DDAH2: variants seen among roughly 807,000 people sequenced by gnomAD.
DDAH2 encodes the protein putative hydrolase DDAH2.
Under a neutral mutation model 24.8 loss-of-function variants are expected in DDAH2, and 8 were observed. The observed-to-expected ratio is 0.32, with a 90% confidence interval of 0.19 to 0.58. The LOEUF (loss-of-function observed/expected upper bound fraction) is 0.58, where lower values mean the gene tolerates loss of function less well. Ranked by LOEUF, DDAH2 falls within the 20% of genes least tolerant of loss-of-function variation. The pLI, the probability that DDAH2 is intolerant of heterozygous loss-of-function variation, is 0.87. For missense variants in DDAH2, 281 were observed against 379.0 expected (o/e 0.74, Z 2.15); for synonymous variants, 151 against 166.1 (o/e 0.91, Z 0.70).
In DDAH2 at chr6:31,728,278, G is replaced by A. The variant is rs1443556271; in HGVS notation, c.486C>T (p.Ser162=). The change falls in exon 4 of 6, where the codon TCC becomes TCT. Residue 162 remains serine, a synonymous_variant. Transcript: ENST00000375789. The surrounding 1 kb of genome is among the most constrained non-coding windows in gnomAD (Gnocchi z 9.8). ...VADTFRDFAV[S]TVPVSGPSHL... ...GGGAGGGACCCGAGACTGGCACAGT[G>A]GAGACGGCGAAGTCCTAGGGAGAGC... 6.2e-7 allele frequency: 1 copy of A among 1,611,118 alleles called. No individual in the cohort carries two copies. Among genetic ancestry groups the A allele is most frequent in the Non-Finnish European group, 8.5e-7 (1 of 1,179,022 alleles).
In DDAH2 at chr6:31,728,057, G is replaced by A. The variant is rs1807516534; in HGVS notation, c.591+116C>T. On this transcript the variant is annotated intron_variant, in intron 4 of 5. Transcript: ENST00000375789. This position sits in a 1 kb window ranked among gnomAD's most constrained non-coding sequence, Gnocchi z 9.8. ...CTTATTTTCTCCTGTGTTCTTTCAT[G>A]TAAGATGGACAGCCCATTGAGGGCA... is the stretch of plus-strand genomic sequence containing the variant. 2 of 1,245,718 alleles carry A rather than the reference G, an allele frequency of 1.6e-6. No individual in the cohort carries two copies. Among genetic ancestry groups the A allele is most frequent in the East Asian group, 2.3e-5 (1 of 42,634 alleles). 77.2% of individuals were successfully genotyped at this position (1,245,718 alleles called of 1,614,324 possible).
chr6:31,729,534 A>C, upstream of DDAH2: 1 of 262,882 alleles, frequency 3.8e-6, no homozygotes, highest in Non-Finnish European at 7.3e-6. This position sits in a 1 kb window ranked among gnomAD's most constrained non-coding sequence, Gnocchi z 6.7. Flanking sequence ...GGATGCGCTC[A>C]CTCCCCAAAA....
rs771369955 is a variant in DDAH2, at chr6:31,727,236, C to G, written c.*1G>C. 6.2e-7 allele frequency: 1 copy of G among 1,612,326 alleles called. No individual in the cohort carries two copies. Among genetic ancestry groups the G allele is most frequent in the Non-Finnish European group, 8.5e-7 (1 of 1,179,376 alleles). The stretch of plus-strand genomic sequence containing the variant: ...GCCAGCAGTACCCCAAGGCCAGGCC[C>G]TCAGCTGTGGGGGCGTGTGCTGAGC... On this transcript the variant is annotated 3_prime_UTR_variant, in exon 6 of 6. Transcript: ENST00000375789. The surrounding 1 kb of genome is among the most constrained non-coding windows in gnomAD (Gnocchi z 6.0).
At chr6:31,729,327 G>A, upstream of DDAH2, 3 of 627,736 alleles carry the variant, frequency 4.8e-6, no homozygotes, top group Non-Finnish European at 8.3e-6. The surrounding 1 kb of genome is among the most constrained non-coding windows in gnomAD (Gnocchi z 6.7). Flanking sequence ...GCCATCTCTA[G>A]GCGTCCCTCC....
At position 31,728,811 on chromosome 6, in the gene DDAH2, G is replaced by A. The variant is rs1313709350; in HGVS notation, c.297+54C>T. Reference sequence around the variant, plus strand: ...ATCCTCAATTCTTCCCCAAAGCCCCGACATCCAGTTCCTTCTGCCTTTCCC... The same window carrying A: ...ATCCTCAATTCTTCCCCAAAGCCCCAACATCCAGTTCCTTCTGCCTTTCCC... On this transcript the variant is annotated intron_variant, in intron 1 of 5. Coordinates refer to ENST00000375789, the MANE Select transcript of DDAH2 (RefSeq NM_001303007.2). This position sits in a 1 kb window ranked among gnomAD's most constrained non-coding sequence, Gnocchi z 9.8. 59 of 1,610,718 alleles carry A rather than the reference G, an allele frequency of 3.7e-5. No homozygotes were observed. Among genetic ancestry groups the A allele is most frequent in the Non-Finnish European group, 4.6e-5 (54 of 1,178,958 alleles).
rs1807466356 is a variant in DDAH2 at position 31,727,501 on chromosome 6, T to C, written c.741+42A>G. On this transcript the variant is annotated intron_variant, in intron 5 of 5. Transcript: ENST00000375789. This position sits in a 1 kb window ranked among gnomAD's most constrained non-coding sequence, Gnocchi z 6.0. ...CCACTAGGAAAGCCTGAAACTCTTT[T>C]CTCTGATGGTGCTTGGTGTTGGAGT... The C allele has an allele frequency of 6.2e-7, 1 of 1,612,680 alleles. No individual in the cohort carries two copies. Among genetic ancestry groups the C allele is most frequent in the South Asian group, 1.1e-5 (1 of 91,078 alleles).
At position 31,727,525 on chromosome 6, in the gene DDAH2, G is replaced by C. The variant is rs376436685; in HGVS notation, c.741+18C>G. 33 of 1,612,960 alleles carry C rather than the reference G, an allele frequency of 2.0e-5. No homozygotes were observed. The Admixed American group carries it at 3.3e-4, about 16-fold the overall frequency. ...TTCTCTGATGGTGCTTGGTGTTGGA[G>C]TTCCTGCCCTCTCTCACCTCCTGGC... is the stretch of plus-strand genomic sequence containing the variant. On this transcript the variant is annotated intron_variant, in intron 5 of 5. Coordinates refer to ENST00000375789, the MANE Select transcript of DDAH2 (RefSeq NM_001303007.2). The surrounding 1 kb of genome is among the most constrained non-coding windows in gnomAD (Gnocchi z 6.0).
Position 31,728,329 on chromosome 6 carries a change from A to T in DDAH2, c.472-37T>A. 6.2e-7 allele frequency: 1 copy of T among 1,604,772 alleles called. No homozygotes were observed. Among genetic ancestry groups the T allele is most frequent in the Non-Finnish European group, 8.5e-7 (1 of 1,174,562 alleles). ...GAAGGGAGGTATTCAGGGGCGCGGG[A>T]GGGGTGATGGGGTATCTTCAAACAT... On this transcript the variant is annotated intron_variant, in intron 3 of 5. Transcript: ENST00000375789. This position sits in a 1 kb window ranked among gnomAD's most constrained non-coding sequence, Gnocchi z 9.8.
At position 31,729,112 on chromosome 6, in the gene DDAH2, C is replaced by A; in HGVS notation, c.50G>T (p.Arg17Leu). ...GLGRCSHALIRGVPESLASGE... is the reference protein window; with the variant it reads ...GLGRCSHALILGVPESLASGE... ...CGACGCCAGGCTCTCTGGGACTCCC[C>A]GGATCAGGGCATGGGAGCAGCGGCC... Residue 17 changes from arginine to leucine, a missense_variant, in exon 1 of 6, where the codon CGG becomes CTG. Physicochemically the swap from Arg to Leu is moderately radical, Grantham distance 102. Transcript: ENST00000375789. This position sits in a 1 kb window ranked among gnomAD's most constrained non-coding sequence, Gnocchi z 6.7. 3 of 1,612,916 alleles carry A rather than the reference C, an allele frequency of 1.9e-6. No individual in the cohort carries two copies. The highest frequency in any genetic ancestry group is 1.7e-6 in the Non-Finnish European group (2 of 1,179,934).
In DDAH2 at chr6:31,728,523, G is replaced by A. The variant is rs1807571222; in HGVS notation, c.399C>T (p.Gly133=). ...TLDGTDVLFT[G]REFFVGLSKW... ...TGGAGAGGCCTACGAAAAACTCCCG[G>A]CCTGAGTCCGGGAGGCCGCGGAGGT... is the stretch of plus-strand genomic sequence containing the variant. The change falls in exon 3 of 6, where the codon GGC becomes GGT. Residue 133 remains glycine, a splice_region_variant and synonymous_variant. Coordinates refer to ENST00000375789, the MANE Select transcript of DDAH2 (RefSeq NM_001303007.2). The surrounding 1 kb of genome is among the most constrained non-coding windows in gnomAD (Gnocchi z 9.8). The A allele has an allele frequency of 6.2e-7, 1 of 1,612,776 alleles. No homozygotes were observed. The highest frequency in any genetic ancestry group is 8.5e-7 in the Non-Finnish European group (1 of 1,179,914).
rs767628982 is a variant in DDAH2, at chr6:31,728,782, C to T, written c.298-37G>A. The T allele has an allele frequency of 5.0e-5, 81 of 1,611,464 alleles. No individual in the cohort carries two copies. The highest frequency in any genetic ancestry group is 4.3e-4 in the South Asian group (39 of 90,976). On this transcript the variant is annotated intron_variant, in intron 1 of 5. Coordinates refer to ENST00000375789, the MANE Select transcript of DDAH2 (RefSeq NM_001303007.2). The surrounding 1 kb of genome is among the most constrained non-coding windows in gnomAD (Gnocchi z 9.8). The stretch of plus-strand genomic sequence containing the variant: ...AGAAGAGGGCACGGAGCTGTGACAC[C>T]CCCATCCTCAATTCTTCCCCAAAGC...
chr6:31,728,528 A>C lies in DDAH2; in HGVS notation c.398-4T>G. Reference sequence around the variant, plus strand: ...AGGCCTACGAAAAACTCCCGGCCTGAGTCCGGGAGGCCGCGGAGGTTTGAG... The same window carrying C: ...AGGCCTACGAAAAACTCCCGGCCTGCGTCCGGGAGGCCGCGGAGGTTTGAG... On this transcript the variant is annotated splice_polypyrimidine_tract_variant and splice_region_variant and intron_variant, in intron 2 of 5. Transcript: ENST00000375789. The surrounding 1 kb of genome is among the most constrained non-coding windows in gnomAD (Gnocchi z 9.8). 2.5e-6 allele frequency: 4 copies of C among 1,612,718 alleles called. No individual in the cohort carries two copies. Among genetic ancestry groups the C allele is most frequent in the Non-Finnish European group, 3.4e-6 (4 of 1,179,900 alleles).
chr6:31,729,111 C>T lies in DDAH2; in HGVS notation c.51G>A (p.Arg17=), dbSNP rs754733474. The T allele has an allele frequency of 2.9e-5, 47 of 1,612,880 alleles. No homozygotes were observed. The highest frequency in any genetic ancestry group is 3.7e-5 in the Non-Finnish European group (44 of 1,180,000). Residue 17 remains arginine, a synonymous_variant, in exon 1 of 6, where the codon CGG becomes CGA. Coordinates refer to ENST00000375789, the MANE Select transcript of DDAH2 (RefSeq NM_001303007.2). This position sits in a 1 kb window ranked among gnomAD's most constrained non-coding sequence, Gnocchi z 6.7. ...GLGRCSHALI[R]GVPESLASGE... ...CCGACGCCAGGCTCTCTGGGACTCC[C>T]CGGATCAGGGCATGGGAGCAGCGGC...
Position 31,727,770 on chromosome 6 carries a change from G to C in DDAH2, c.592-78C>G. On this transcript the variant is annotated intron_variant, in intron 4 of 5. Transcript: ENST00000375789. The surrounding 1 kb of genome is among the most constrained non-coding windows in gnomAD (Gnocchi z 6.0). ...GCCTGCTCAACCACCACTAAGGGCTGGGGACGGACTGACATTTGTGGAAAA... is the reference window on the plus strand; with the variant it reads ...GCCTGCTCAACCACCACTAAGGGCTCGGGACGGACTGACATTTGTGGAAAA... The C allele has an allele frequency of 6.8e-7, 1 of 1,461,958 alleles. No homozygotes were observed. The highest frequency in any genetic ancestry group is 1.3e-5 in the South Asian group (1 of 74,240). The allele number at this position is 1,461,958 out of a possible 1,614,324, so 90.6% of individuals were successfully genotyped here.
chr6:31,728,608 T>C lies in DDAH2; in HGVS notation c.397+38A>G, dbSNP rs771788581. ...GACGGCCGAGTCTCCCAAACTCTACTTCCCTGTGCCAAGACCTATGCCTCC... is the reference window on the plus strand; with the variant it reads ...GACGGCCGAGTCTCCCAAACTCTACCTCCCTGTGCCAAGACCTATGCCTCC... On this transcript the variant is annotated intron_variant, in intron 2 of 5. Coordinates refer to ENST00000375789, the MANE Select transcript of DDAH2 (RefSeq NM_001303007.2). This position sits in a 1 kb window ranked among gnomAD's most constrained non-coding sequence, Gnocchi z 9.8. 3 of 1,611,856 alleles carry C rather than the reference T, an allele frequency of 1.9e-6. No homozygotes were observed.
Position 31,729,190 on chromosome 6 carries a change from G to T in DDAH2, c.-29C>A, listed in dbSNP as rs778449032. 3 of 1,507,010 alleles carry T rather than the reference G, an allele frequency of 2.0e-6. No homozygotes were observed. Among genetic ancestry groups the T allele is most frequent in the Non-Finnish European group, 2.7e-6 (3 of 1,110,212 alleles). 93.4% of individuals were successfully genotyped at this position (1,507,010 alleles called of 1,614,324 possible). On this transcript the variant is annotated 5_prime_UTR_variant, in exon 1 of 6. Transcript: ENST00000375789. The surrounding 1 kb of genome is among the most constrained non-coding windows in gnomAD (Gnocchi z 6.7). ...ATCCACACAGACTCCCCCTCCAACC[G>T]CTCGGATTTCTTAGTTTTCTTGTTT...
At position 31,729,003 on chromosome 6, in the gene DDAH2, C is replaced by T; in HGVS notation, c.159G>A (p.Arg53=). The T allele has an allele frequency of 1.2e-6, 2 of 1,613,068 alleles. No individual in the cohort carries two copies. Among genetic ancestry groups the T allele is most frequent in the Middle Eastern group, 1.6e-4 (1 of 6,062 alleles). ...CTAGCAGCTGTAGCCCCAGTCGTTG[C>T]CTCAGTTTACCTCCCAGCACCCCGT... The part of the protein sequence containing the change: ...REHGVLGGKL[R]QRLGLQLLEL... Residue 53 remains arginine (R), a synonymous_variant, in exon 1 of 6, where the codon AGG becomes AGA. Transcript: ENST00000375789. This position sits in a 1 kb window ranked among gnomAD's most constrained non-coding sequence, Gnocchi z 6.7.
At position 31,728,476 on chromosome 6, in the gene DDAH2, G is replaced by C; in HGVS notation, c.446C>G (p.Ala149Gly). ...GLSKWTNHRG[A>G]EIVADTFRDF... ...CCGGAACGTGTCCGCCACGATCTCAGCTCCTCGGTGATTGGTCCATTTGGA... is the reference window on the plus strand; with the variant it reads ...CCGGAACGTGTCCGCCACGATCTCACCTCCTCGGTGATTGGTCCATTTGGA... The change falls in exon 3 of 6, where the codon GCT becomes GGT. Residue 149 changes from alanine to glycine, a missense_variant. Physicochemically the swap from Ala to Gly is moderately conservative, Grantham distance 60 (BLOSUM62 0). Coordinates refer to ENST00000375789, the MANE Select transcript of DDAH2 (RefSeq NM_001303007.2). The surrounding 1 kb of genome is among the most constrained non-coding windows in gnomAD (Gnocchi z 9.8). 1 of 1,612,770 alleles carries C rather than the reference G, an allele frequency of 6.2e-7. No individual in the cohort carries two copies. Among genetic ancestry groups the C allele is most frequent in the Non-Finnish European group, 8.5e-7 (1 of 1,179,952 alleles).
rs1311525139 is a variant in DDAH2 at position 31,728,225 on chromosome 6, C to A, written c.539G>T (p.Gly180Val). The A allele has an allele frequency of 1.2e-6, 2 of 1,612,692 alleles. No homozygotes were observed. Among genetic ancestry groups the A allele is most frequent in the East Asian group, 2.2e-5 (1 of 44,876 alleles). ...GCTGCCTGCCACAACAGTGCGAGGT[C>A]CCCCCATGCCGCAGAGACCGCGCAG... Reference protein sequence around the residue: ...SHLRGLCGMGGPRTVVAGSSD... With the variant: ...SHLRGLCGMGVPRTVVAGSSD... Residue 180 changes from glycine (G) to valine (V), a missense_variant, in exon 4 of 6, where the codon GGA (glycine) becomes GTA (valine). By Grantham distance (109) the Gly-to-Val change is moderately radical. Coordinates refer to ENST00000375789, the MANE Select transcript of DDAH2 (RefSeq NM_001303007.2). This position sits in a 1 kb window ranked among gnomAD's most constrained non-coding sequence, Gnocchi z 9.8.
Sources: gnomAD v4.1 joint callset for allele counts on GRCh38, gnomAD v4.1.1 for gene constraint, Gnocchi (gnomAD v3.1) non-coding constraint, MANE v1.5 for transcripts, NCBI Gene and HGNC (gene_info 2026-07-23, HGNC 2026-07-21) for gene names.